Variants in EP300 observed in about 807,000 individuals in gnomAD.
EP300 encodes EP300 lysine acetyltransferase.
A neutral mutation model predicts 264.0 loss-of-function variants in EP300; 31 were observed. The ratio of observed to expected loss-of-function variants is 0.12; its 90% confidence interval spans 0.09 to 0.16. EP300 has a LOEUF of 0.16. Ranked by LOEUF, EP300 falls within the 10% of genes least tolerant of loss-of-function variation. EP300 has a pLI of 1.00. For synonymous variants in EP300, 1,340 were observed against 1,045.4 expected, an observed-to-expected ratio of 1.28 and a Z score of -5.44; for missense variants, 2,766 against 3,052.9, an observed-to-expected ratio of 0.91 and a Z score of 2.21.
intron 7 of EP300, among the ~76,000 whole-genome samples, chr22:41,137,411 A>AT (rs1471296306): frequency 6.7e-6 from 1 of 150,356 alleles, no homozygotes; most frequent in African/African-American, 2.4e-5. Context: ...ATGAAGTCTT[A>AT]TGATATCTTG....
At position 41,177,598 on chromosome 22, in the gene EP300, G is replaced by T. The variant is rs1191276393; in HGVS notation, c.5887G>T (p.Ala1963Ser). 6.2e-7 allele frequency: 1 copy of T among 1,614,138 alleles called. No individual in the cohort carries two copies. The highest frequency in any genetic ancestry group is 1.3e-5 in the African/African-American group (1 of 75,028). The part of the protein sequence containing the change: ...QHQMPPMTPM[A>S]PMGMNPPPMT... ...CCAGATGCCCCCGATGACTCCCATG[G>T]CCCCCATGGGTATGAACCCACCTCC... Residue 1963 changes from alanine (A) to serine (S), a missense_variant, in exon 31 of 31, where the codon GCC (alanine) becomes TCC (serine). Ala to Ser is a moderately conservative substitution (Grantham distance 99, BLOSUM62 1). Transcript: ENST00000263253.
intron 6 of EP300, among the ~76,000 whole-genome samples, chr22:41,134,719 T>C (rs976936728): frequency 6.6e-6 from 1 of 152,100 alleles, no homozygotes; most frequent in Non-Finnish European, 1.5e-5. Context: ...AATTATTGAG[T>C]GACGAGTTTT....
intron 20 of EP300, 66 bp downstream of exon 20, chr22:41,160,788 T>G: frequency 7.1e-7 from 1 of 1,418,302 alleles, no homozygotes; most frequent in Non-Finnish European, 1.0e-6. Context: ...GCACAGCTTA[T>G]TTCTAAATGA....
chr22:41,125,319 C>A (rs1449998797), intron 2 of EP300, among the ~76,000 whole-genome samples: 1 of 151,784 alleles, frequency 6.6e-6, no homozygotes, highest in Non-Finnish European at 1.5e-5. Context: ...GGGGTTTCAC[C>A]ATGTTAGCCA....
chr22:41,177,884 TCAGGTCTCC>T lies in EP300; in HGVS notation c.6177_6185del (p.Arg2059_Pro2061del). 6.2e-7 allele frequency: 1 copy of T among 1,614,164 alleles called. No individual in the cohort carries two copies. Among genetic ancestry groups the T allele is most frequent in the Non-Finnish European group, 8.5e-7 (1 of 1,180,014 alleles). On this transcript the variant is annotated inframe_deletion, in exon 31 of 31. Transcript: ENST00000263253. The stretch of plus-strand genomic sequence containing the variant: ...GCCTTACAAAACCTTTTGCGGACTC[TCAGGTCTCC>T]CAGCTCTCCCCTGCAGCAGCAACAG...
chr22:41,173,570 C>A, intron 28 of EP300, 53 bp from the exon 29 acceptor site: 1 of 1,595,346 alleles, frequency 6.3e-7, no homozygotes, highest in Non-Finnish European at 8.6e-7. Flanking sequence ...GTGCTATTCC[C>A]AAATTACTTA....
intron 1 of EP300, among the ~76,000 whole-genome samples, chr22:41,111,990 C>G (rs2058794471): frequency 6.8e-6 from 1 of 147,096 alleles, no homozygotes; most frequent in Non-Finnish European, 1.5e-5. Context: ...CGGGTTCACG[C>G]CATCCTCCTG....
rs767438649 is a variant in EP300 at position 41,092,612 on chromosome 22, C to G, written c.-393C>G. The G allele has an allele frequency of 1.6e-6, 1 of 625,960 alleles. No individual in the cohort carries two copies. The highest frequency in any genetic ancestry group is 2.9e-6 in the Non-Finnish European group (1 of 345,354). 38.8% of individuals were successfully genotyped at this position (625,960 alleles called of 1,614,324 possible). A position where few individuals can be genotyped will look rare whatever the true frequency, so the allele number is the denominator to read the frequency against. ...GCGATGAGAAGGAGGAGGACAGCGCCGAGGAGGAAGAGGTTGATGGCGGCG... is the reference window on the plus strand; with the variant it reads ...GCGATGAGAAGGAGGAGGACAGCGCGGAGGAGGAAGAGGTTGATGGCGGCG... On this transcript the variant is annotated 5_prime_UTR_variant, in exon 1 of 31. Coordinates refer to ENST00000263253, the MANE Select transcript of EP300 (RefSeq NM_001429.4).
intron 12 of EP300, among the ~76,000 whole-genome samples, chr22:41,148,438 C>A (rs2059024878): frequency 6.6e-6 from 1 of 152,158 alleles, no homozygotes; most frequent in Admixed American, 6.5e-5. Context: ...CCATTTTCAA[C>A]AGGGAGTTCT....
chr22:41,160,325 GTTTT>G, intron 19 of EP300: 3 of 359,374 alleles, frequency 8.3e-6, no homozygotes, highest in Non-Finnish European at 1.6e-5. Context: ...TTGCTTTTAT[GTTTT>G]TTGTTGTCTT....
intron 6 of EP300, among the ~76,000 whole-genome samples, chr22:41,135,562 T>G (rs2058945845): frequency 1.3e-5 from 2 of 151,916 alleles, no homozygotes; most frequent in Admixed American, 6.6e-5. Flanking sequence ...CTGGTCACAT[T>G]TGCTTTTTTT....
At chr22:41,142,025 T>A (rs1412410393) in intron 10 of EP300, among the ~76,000 whole-genome samples, 1 of 152,198 alleles carries the variant, frequency 6.6e-6, no homozygotes, top group African/African-American at 2.4e-5. Flanking sequence ...TTTCTGATTA[T>A]AGCATCATTG....
chr22:41,106,367 T>G (rs1353005479), intron 1 of EP300, among the ~76,000 whole-genome samples: 1 of 152,082 alleles, frequency 6.6e-6, no homozygotes, highest in Non-Finnish European at 1.5e-5. Flanking sequence ...AACTCCATTC[T>G]TTTTTTGTTT....
Position 41,152,236 on chromosome 22 carries a change from A to C in EP300, c.3028A>C (p.Thr1010Pro), listed in dbSNP as rs1160165961. The stretch of plus-strand genomic sequence containing the variant: ...AGTGGAAGACTGTAAAATGGAATCT[A>C]CCGAAACAGAAGAGAGAAGCACTGA... ...SKVEDCKMES[T>P]ETEERSTELK... Residue 1010 changes from threonine (T) to proline (P), a missense_variant, in exon 16 of 31, where the codon ACC becomes CCC. Physicochemically the swap from Thr to Pro is conservative, Grantham distance 38. Transcript: ENST00000263253. The C allele has an allele frequency of 6.2e-7, 1 of 1,614,152 alleles. No homozygotes were observed. The highest frequency in any genetic ancestry group is 8.5e-7 in the Non-Finnish European group (1 of 1,179,990).
Position 41,103,006 on chromosome 22 carries a change from C to T in EP300, c.94+9908C>T, listed in dbSNP as rs536046524. Among the ~76,000 whole-genome samples the T allele has an allele frequency of 3.9e-5, 6 of 152,170 alleles. No individual in the cohort carries two copies. In the South Asian group the frequency reaches 6.2e-4, roughly 16 times the overall value. ...CTGGGACTAAAGGTATCCACCACCACGCCTGGCTAATTTTTGTATTTTTAG... is the reference window on the plus strand; with the variant it reads ...CTGGGACTAAAGGTATCCACCACCATGCCTGGCTAATTTTTGTATTTTTAG... On this transcript the variant is annotated intron_variant, in intron 1 of 30. Transcript: ENST00000263253.
intron 2 of EP300, among the ~76,000 whole-genome samples, chr22:41,123,153 CTTAG>C (rs1224235242): frequency 2.0e-5 from 3 of 152,246 alleles, no homozygotes; most frequent in East Asian, 3.9e-4. Flanking sequence ...GCAGGTGTTT[CTTAG>C]TTAGGTTGTA....
chr22:41,172,103 TAA>T (rs2059174213), intron 27 of EP300, among the ~76,000 whole-genome samples: 1 of 152,142 alleles, frequency 6.6e-6, no homozygotes, highest in Non-Finnish European at 1.5e-5. Flanking sequence ...AAGCTGTCAG[TAA>T]AAGCTGCTGA....
At chr22:41,138,183 A>T (rs182979909) in intron 8 of EP300, among the ~76,000 whole-genome samples, 17 of 152,174 alleles carry the variant, frequency 1.1e-4, no homozygotes, top group Admixed American at 9.2e-4. Context: ...TGTTTGTTTG[A>T]GATGGAGTCT....
chr22:41,145,979 TATA>T (rs1237802491), intron 10 of EP300, among the ~76,000 whole-genome samples: 2 of 152,096 alleles, frequency 1.3e-5, no homozygotes, highest in Non-Finnish European at 2.9e-5. Context: ...TGTAGTGTGG[TATA>T]ATATGCATAT....
Sources: gnomAD v4.1 joint callset for allele counts (sites outside exome capture counted in the v4.1 genomes callset) on GRCh38, gnomAD v4.1.1 for gene constraint, MANE v1.5 for transcripts, NCBI Gene and HGNC (gene_info 2026-07-23, HGNC 2026-07-21) for gene names.